The following PRSS12 variants were observed in gnomAD, a reference collection of about 807,000 sequenced individuals.
The protein encoded by PRSS12 is serine protease 12, also known as neurotrypsin.
In PRSS12, 85 loss-of-function variants were observed where a neutral mutation model predicts 104.4. That is an observed-to-expected ratio of 0.81 (90% confidence interval 0.68 to 0.98). The LOEUF (loss-of-function observed/expected upper bound fraction) is 0.98, where lower values mean the gene tolerates loss of function less well. Ranked by LOEUF, PRSS12 falls within the 50% of genes least tolerant of loss-of-function variation. The pLI is 0.00. For missense variants in PRSS12, 1,141 were observed against 1,139.2 expected, an observed-to-expected ratio of 1.00 and a Z score of -0.02; for synonymous variants, 454 against 425.2, an observed-to-expected ratio of 1.07 and a Z score of -0.83.
chr4:118,320,557 A>G (rs977550487), intron 4 of PRSS12, among the ~76,000 whole-genome samples: 1 of 152,186 alleles, frequency 6.6e-6, no homozygotes, highest in East Asian at 1.9e-4. Context: ...TTTGAGATCA[A>G]CCTGGGCAAC....
At chr4:118,301,568 T>C (rs1743407260) in intron 8 of PRSS12, among the ~76,000 whole-genome samples, 1 of 151,374 alleles carries the variant, frequency 6.6e-6, no homozygotes, top group South Asian at 2.1e-4. Flanking sequence ...TAGTATTTAA[T>C]GTATAAATTT....
intron 7 of PRSS12, among the ~76,000 whole-genome samples, chr4:118,312,759 C>T (rs192568597): frequency 3.3e-5 from 5 of 151,854 alleles, no homozygotes; most frequent in South Asian, 2.1e-4. Context: ...TGGTGACCAA[C>T]GAACGACAAG....
intron 1 of PRSS12, among the ~76,000 whole-genome samples, chr4:118,339,520 G>A (rs773357995): frequency 2.0e-5 from 3 of 151,930 alleles, no homozygotes; most frequent in Non-Finnish European, 4.4e-5. Flanking sequence ...TATTTCTCAC[G>A]ACAAAAACAA....
chr4:118,339,507 T>C (rs954326358), intron 1 of PRSS12, among the ~76,000 whole-genome samples: 4 of 152,158 alleles, frequency 2.6e-5, no homozygotes, highest in African/African-American at 7.2e-5. Flanking sequence ...GAAAAACATA[T>C]TATATTTCTC....
At chr4:118,350,001 C>CA (rs1236800630) in intron 1 of PRSS12, among the ~76,000 whole-genome samples, 1 of 151,714 alleles carries the variant, frequency 6.6e-6, no homozygotes, top group African/African-American at 2.4e-5. Flanking sequence ...AGACCCTTGT[C>CA]AAAAAATAAA....
At chr4:118,332,779 T>G (rs1289027055) in intron 3 of PRSS12, among the ~76,000 whole-genome samples, 2 of 152,132 alleles carry the variant, frequency 1.3e-5, no homozygotes, top group Non-Finnish European at 2.9e-5. Context: ...TAAATAAACC[T>G]AGAAAAGACA....
chr4:118,281,120 C>T lies in PRSS12; in HGVS notation c.*816G>A, dbSNP rs1330699346. 6.6e-6 allele frequency: 1 copy of T among 152,216 alleles called. No homozygotes were observed. The highest frequency in any genetic ancestry group is 1.5e-5 in the Non-Finnish European group (1 of 68,040). 9.4% of individuals were successfully genotyped at this position (152,216 alleles called of 1,614,324 possible). ...GAAGTGTCAGTGGGTGGCACTCTTA[C>T]ATCATGGTCGGGGAACGTGGACTAT... On this transcript the variant is annotated 3_prime_UTR_variant, in exon 13 of 13. Transcript: ENST00000296498.
At chr4:118,316,838 ATATAT>A (rs1009480145) in intron 5 of PRSS12, among the ~76,000 whole-genome samples, 5 of 21,148 alleles carry the variant, frequency 2.4e-4, no homozygotes, top group Non-Finnish European at 5.1e-4. Flanking sequence ...AAAAAAAAAA[ATATAT>A]ATATATATAT....
rs1482987554 is a variant in PRSS12 at position 118,281,689 on chromosome 4, C to T, written c.*247G>A. 1 of 547,314 alleles carries T rather than the reference C, an allele frequency of 1.8e-6. No homozygotes were observed. The highest frequency in any genetic ancestry group is 3.1e-5 in the Admixed American group (1 of 32,470). The allele number at this position is 547,314 out of a possible 1,614,324, so 33.9% of individuals were successfully genotyped here. A position where few individuals can be genotyped will look rare whatever the true frequency, so the allele number is the denominator to read the frequency against. On this transcript the variant is annotated 3_prime_UTR_variant, in exon 13 of 13. Transcript: ENST00000296498. ...AGAAATAGGTAGGGGATAGATGAGG[C>T]TTAGAATAAGTCACTCCAGTGAAAT...
intron 8 of PRSS12, chr4:118,303,391 A>C (rs1743449023): frequency 6.6e-6 from 1 of 152,126 alleles, no homozygotes; most frequent in East Asian, 1.9e-4. Flanking sequence ...CAACTTGCAC[A>C]AACTAAAAAA....
chr4:118,331,865 G>A lies in PRSS12; in HGVS notation c.822C>T (p.Gly274=), dbSNP rs756532420. The change falls in exon 4 of 13, where the codon GGC becomes GGT. Residue 274 remains glycine (G), a splice_region_variant and synonymous_variant. Transcript: ENST00000296498. The part of the protein sequence containing the change: ...AAAVTCSFSH[G]PTFPIIRLAG... ...CAAGGCGAATGATGGGGAACGTTGG[G>A]CCTGTGCAATGTGAAGTTAAAAATA... 6.2e-7 allele frequency: 1 copy of A among 1,613,924 alleles called. No individual in the cohort carries two copies. Among genetic ancestry groups the A allele is most frequent in the East Asian group, 2.2e-5 (1 of 44,880 alleles).
chr4:118,295,523 G>A (rs1241053433), intron 10 of PRSS12, among the ~76,000 whole-genome samples: 1 of 152,202 alleles, frequency 6.6e-6, no homozygotes, highest in African/African-American at 2.4e-5. Flanking sequence ...CAGGTCTCCT[G>A]TTAAATTATT....
intron 1 of PRSS12, among the ~76,000 whole-genome samples, chr4:118,347,985 TCTGGGAGG>T (rs1724400148): frequency 6.6e-6 from 1 of 152,202 alleles, no homozygotes; most frequent in African/African-American, 2.4e-5. Flanking sequence ...ATTCCAGTAC[TCTGGGAGG>T]CCAAGGCGGG....
At chr4:118,344,854 G>A (rs1724317875) in intron 1 of PRSS12, among the ~76,000 whole-genome samples, 1 of 152,148 alleles carries the variant, frequency 6.6e-6, no homozygotes, top group African/African-American at 2.4e-5. Flanking sequence ...AACAATACAT[G>A]CATATAACCT....
chr4:118,343,789 C>T (rs561012693), intron 1 of PRSS12, among the ~76,000 whole-genome samples: 1 of 152,008 alleles, frequency 6.6e-6, no homozygotes, highest in Admixed American at 6.6e-5. Flanking sequence ...TTTAGTTAAC[C>T]CCTCATTAAA....
At position 118,282,127 on chromosome 4, in the gene PRSS12, G is replaced by C; in HGVS notation, c.2437C>G (p.His813Asp). 6.2e-7 allele frequency: 1 copy of C among 1,614,148 alleles called. No homozygotes were observed. Among genetic ancestry groups the C allele is most frequent in the Non-Finnish European group, 8.5e-7 (1 of 1,180,028 alleles). Residue 813 changes from histidine (H) to aspartate (D), a missense_variant, in exon 13 of 13, where the codon CAT (histidine) becomes GAT (aspartate). Transcript: ENST00000296498. ...TGRMLCAGNLHEHKRVDSCQG... is the reference protein window; with the variant it reads ...TGRMLCAGNLDEHKRVDSCQG... ...CAGCTGTCCACGCGTTTGTGTTCAT[G>C]GAGGTTTCCAGCACAAAGCATTCTC... is the stretch of plus-strand genomic sequence containing the variant.
chr4:118,300,236 C>T (rs192376681), intron 8 of PRSS12, among the ~76,000 whole-genome samples: 13 of 152,112 alleles, frequency 8.5e-5, no homozygotes, highest in African/African-American at 2.6e-4. Context: ...TAATCTCCAA[C>T]TCCTGACCTC....
At position 118,305,120 on chromosome 4, in the gene PRSS12, T is replaced by TAC. The variant is rs1251673991; in HGVS notation, c.1631+3314_1631+3315dup. Among the ~76,000 whole-genome samples the TAC allele has an allele frequency of 5.0e-3, 709 of 141,322 alleles. 2 individuals carry two copies. Among genetic ancestry groups the TAC allele is most frequent in the Middle Eastern group, 0.015 (4 of 268 alleles). 92.7% of individuals were successfully genotyped at this position (141,322 alleles called of 152,430 possible). A position where few individuals can be genotyped will look rare whatever the true frequency, so the allele number is the denominator to read the frequency against. On this transcript the variant is annotated intron_variant, in intron 8 of 12. Transcript: ENST00000296498. Reference sequence around the variant, plus strand: ...TATAATTTATATATATATATATATATACACACACACACACACATATATATA... The same window carrying TAC: ...TATAATTTATATATATATATATATATACACACACACACACACACATATATATA...
chr4:118,329,796 A>T (rs979827859), intron 4 of PRSS12, among the ~76,000 whole-genome samples: 1 of 152,160 alleles, frequency 6.6e-6, no homozygotes, highest in Non-Finnish European at 1.5e-5. Flanking sequence ...TGCAACTAAG[A>T]GATATTCTGT....
Sources: gnomAD v4.1 joint callset for allele counts (sites outside exome capture counted in the v4.1 genomes callset) on GRCh38, gnomAD v4.1.1 for gene constraint, MANE v1.5 for transcripts, NCBI Gene and HGNC (gene_info 2026-07-23, HGNC 2026-07-21) for gene names.